Variants in RASSF3 observed in about 807,000 individuals in gnomAD.
RASSF3 encodes the protein Ras association domain family member 3, also known as ras association domain-containing protein 3.
A neutral mutation model predicts 19.9 loss-of-function variants in RASSF3; 19 were observed. The observed-to-expected ratio is 0.96, with a 90% CI of 0.67 to 1.40. The LOEUF is 1.40. Among genes scored for constraint, RASSF3 ranks in the 40% most tolerant of loss-of-function variants. The pLI, the probability that RASSF3 is intolerant of heterozygous loss-of-function variation, is 0.00. For missense variants in RASSF3, 306 were observed against 289.8 expected, an observed-to-expected ratio of 1.06 and a Z score of -0.41; for synonymous variants, 110 against 104.2, an observed-to-expected ratio of 1.06 and a Z score of -0.34.
At chr12:64,588,831 G>A (rs1176446124) in intron 2 of RASSF3, among the ~76,000 whole-genome samples, 1 of 152,066 alleles carries the variant, frequency 6.6e-6, no homozygotes, top group South Asian at 2.1e-4. Context: ...ATCCACTTGA[G>A]TGGGAATTTT....
At chr12:64,526,582 C>T (rs776581899) in intron 1 of RASSF3, among the ~76,000 whole-genome samples, 4 of 151,820 alleles carry the variant, frequency 2.6e-5, no homozygotes, top group African/African-American at 9.7e-5. Context: ...CTTGCTTTGT[C>T]GCCCAAGCTG....
intron 2 of RASSF3, among the ~76,000 whole-genome samples, chr12:64,565,440 C>T (rs574014314): frequency 2.7e-5 from 4 of 150,650 alleles, no homozygotes; most frequent in East Asian, 3.9e-4. Flanking sequence ...AGGCCAGGTG[C>T]GGTGGCTCAT....
chr12:64,638,431 T>G (rs1037473499), intron 1 of RASSF3, among the ~76,000 whole-genome samples: 1 of 151,776 alleles, frequency 6.6e-6, no homozygotes, highest in Non-Finnish European at 1.5e-5. Context: ...ATACAAACAA[T>G]TAGCTGGGCG....
downstream of RASSF3, among the ~76,000 whole-genome samples, chr12:64,544,572 C>A (rs563622930): frequency 6.6e-6 from 1 of 151,702 alleles, no homozygotes; most frequent in African/African-American, 2.4e-5. Flanking sequence ...AGCTGGGACC[C>A]GCACCACTGC....
chr12:64,686,357 T>C (rs1873351408), intron 2 of RASSF3, among the ~76,000 whole-genome samples: 2 of 152,162 alleles, frequency 1.3e-5, no homozygotes, highest in South Asian at 2.1e-4. Flanking sequence ...CTCACGCCTG[T>C]AATCCAGCAC....
chr12:64,567,538 G>T (rs979988842), intron 2 of RASSF3, among the ~76,000 whole-genome samples: 1 of 152,142 alleles, frequency 6.6e-6, no homozygotes, highest in Non-Finnish European at 1.5e-5. Flanking sequence ...TCCACTGACC[G>T]AACAGAGACA....
chr12:64,543,557 C>A (rs1303125841), downstream of RASSF3, among the ~76,000 whole-genome samples: 1 of 130,264 alleles, frequency 7.7e-6, no homozygotes, highest in African/African-American at 2.8e-5. Context: ...GGCTCCTGCA[C>A]GGCCCGAGCC....
intron 2 of RASSF3, among the ~76,000 whole-genome samples, chr12:64,572,336 C>CA (rs1869533044): frequency 6.6e-6 from 1 of 152,132 alleles, no homozygotes; most frequent in Non-Finnish European, 1.5e-5. Flanking sequence ...AGCTTGCTGT[C>CA]ACTGGCATGC....
At chr12:64,681,868 A>T (rs921667062) in intron 1 of RASSF3, among the ~76,000 whole-genome samples, 2 of 152,154 alleles carry the variant, frequency 1.3e-5, no homozygotes, top group Non-Finnish European at 2.9e-5. Flanking sequence ...AGCTAGGCGC[A>T]GTGGTGCTTG....
chr12:64,694,603 G>T (rs1446200913), intron 4 of RASSF3, among the ~76,000 whole-genome samples, 160 bp from the exon 5 acceptor site: 1 of 151,928 alleles, frequency 6.6e-6, no homozygotes, highest in African/African-American at 2.4e-5. Context: ...AGTGGAGGGA[G>T]CCCTTAGGCT....
At position 64,691,458 on chromosome 12, in the gene RASSF3, T is replaced by G; in HGVS notation, c.458-12T>G. ...GAATACTCTGTAACATGCTGCTTGT[T>G]TCTTTACCCAGTCTACGCCTGCAAG... On this transcript the variant is annotated splice_polypyrimidine_tract_variant and intron_variant, in intron 3 of 4. Coordinates refer to ENST00000542104, the MANE Select transcript of RASSF3 (RefSeq NM_178169.4). 6.3e-7 allele frequency: 1 copy of G among 1,580,022 alleles called. No individual in the cohort carries two copies. The highest frequency in any genetic ancestry group is 8.7e-7 in the Non-Finnish European group (1 of 1,149,150).
chr12:64,695,300 A>C lies in RASSF3; in HGVS notation c.*388A>C, dbSNP rs1226181400. The C allele has an allele frequency of 6.2e-6, 1 of 162,094 alleles. No individual in the cohort carries two copies. The highest frequency in any genetic ancestry group is 1.3e-5 in the Non-Finnish European group (1 of 75,078). The allele number at this position is 162,094 out of a possible 1,614,324, so 10.0% of individuals were successfully genotyped here. ...AAAAGCTTAACTAGGAATCTTTCTG[A>C]ATACTTGTCCTATTTTGAAACTACC... On this transcript the variant is annotated 3_prime_UTR_variant, in exon 5 of 5. Transcript: ENST00000542104.
intron 1 of RASSF3, among the ~76,000 whole-genome samples, chr12:64,665,167 G>A (rs1265385861): frequency 6.6e-6 from 1 of 152,168 alleles, no homozygotes; most frequent in Non-Finnish European, 1.5e-5. Context: ...ATGGATCTGG[G>A]TTAGAATCTC....
At chr12:64,529,412 C>A (rs1868658565), upstream of RASSF3, among the ~76,000 whole-genome samples, 1 of 152,170 alleles carries the variant, frequency 6.6e-6, no homozygotes, top group Admixed American at 6.5e-5. Flanking sequence ...CCTGACCAAT[C>A]AGCATTTTCT....
chr12:64,576,165 C>A (rs1478610012), intron 2 of RASSF3, among the ~76,000 whole-genome samples: 1 of 151,876 alleles, frequency 6.6e-6, no homozygotes, highest in Non-Finnish European at 1.5e-5. Flanking sequence ...AAAATTAAAC[C>A]AATATAATTA....
intron 1 of RASSF3, among the ~76,000 whole-genome samples, chr12:64,537,130 C>G (rs952776810): frequency 2.0e-5 from 3 of 152,184 alleles, no homozygotes; most frequent in Non-Finnish European, 4.4e-5. Context: ...ATTTCTCCCC[C>G]TATCTCTCTG....
chr12:64,663,930 C>G (rs886702232), intron 1 of RASSF3, among the ~76,000 whole-genome samples: 1 of 148,442 alleles, frequency 6.7e-6, no homozygotes, highest in African/African-American at 2.5e-5. Flanking sequence ...ATACATAAAC[C>G]TATATATAAA....
At chr12:64,684,730 C>T in intron 1 of RASSF3, 57 bp from the exon 2 acceptor site, 11 of 1,218,576 alleles carry the variant, frequency 9.0e-6, no homozygotes, top group Non-Finnish European at 1.3e-5. Context: ...TGCGCCCGGC[C>T]TATCCGCACT....
In RASSF3 at chr12:64,646,045, C is replaced by T. The variant is rs117995996; in HGVS notation, c.111+35302C>T. ...CAAGTCAGTGCCACACATTGAGATT[C>T]ATCCATGTTATTGCATATATCAGTA... is the stretch of plus-strand genomic sequence containing the variant. On this transcript the variant is annotated intron_variant, in intron 1 of 4. Transcript: ENST00000542104. Among the ~76,000 whole-genome samples, 5 of 152,330 alleles carry T rather than the reference C, an allele frequency of 3.3e-5. No homozygotes were observed. In the East Asian group the frequency reaches 9.6e-4, roughly 29 times the overall value.
Sources: allele counts gnomAD v4.1 joint callset (sites outside exome capture counted in the v4.1 genomes callset), GRCh38; gene constraint gnomAD v4.1.1; transcripts MANE v1.5; gene names NCBI Gene and HGNC (gene_info 2026-07-23, HGNC 2026-07-21).